Variants in C8orf90 observed in about 807,000 individuals in gnomAD.
The protein encoded by C8orf90 is uncharacterized protein C8orf90.
At chr8:141,517,403 T>TGAAA in the C8orf90 span, among the ~76,000 whole-genome samples, 2 of 75,414 alleles carry the variant, frequency 2.7e-5, no homozygotes, top group African/African-American at 7.1e-5. Context: ...ATTTGCTGAA[T>TGAAA]GAAAGAAAGA....
chr8:141,516,128 T>C, the C8orf90 span, among the ~76,000 whole-genome samples: 1 of 151,982 alleles, frequency 6.6e-6, no homozygotes, highest in Admixed American at 6.5e-5. Flanking sequence ...TCCCATTCCA[T>C]CCCCCAACTC....
chr8:141,514,833 G>A, the C8orf90 span: 1 of 687,542 alleles, frequency 1.5e-6, no homozygotes, highest in Non-Finnish European at 2.6e-6. Context: ...TGAGAATGTG[G>A]GAGCAGGAAG....
chr8:141,515,630 T>G, the C8orf90 span, among the ~76,000 whole-genome samples: 1 of 151,810 alleles, frequency 6.6e-6, no homozygotes, highest in Non-Finnish European at 1.5e-5. Context: ...CAGCACTCCT[T>G]TAGTGAGGTG....
chr8:141,516,429 T>A, the C8orf90 span, among the ~76,000 whole-genome samples: 631 of 152,282 alleles, frequency 4.1e-3, 6 homozygotes, highest in African/African-American at 0.014. Context: ...AAGTCATCAA[T>A]GACCTCTGCG....
the C8orf90 span, among the ~76,000 whole-genome samples, chr8:141,516,141 G>A: frequency 6.6e-6 from 1 of 152,006 alleles, no homozygotes; most frequent in Non-Finnish European, 1.5e-5. Flanking sequence ...CCCAACTCAC[G>A]CTGTCACTCC....
At chr8:141,517,427 G>C in the C8orf90 span, among the ~76,000 whole-genome samples, 1 of 152,260 alleles carries the variant, frequency 6.6e-6, no homozygotes, top group Non-Finnish European at 1.5e-5. Flanking sequence ...AAGGAATGTA[G>C]GGGTCTCTCC....
chr8:141,516,746 G>A, the C8orf90 span, among the ~76,000 whole-genome samples: 5 of 152,274 alleles, frequency 3.3e-5, no homozygotes, highest in East Asian at 9.6e-4. Context: ...TTGTGTGAGC[G>A]GATCTTCTCC....
At chr8:141,518,354 C>A in the C8orf90 span, 4 of 676,912 alleles carry the variant, frequency 5.9e-6, no homozygotes, top group Non-Finnish European at 1.1e-5. Context: ...CGCGTGCTCA[C>A]CGAGAACTTC....
chr8:141,515,602 G>T, the C8orf90 span, among the ~76,000 whole-genome samples: 29 of 151,990 alleles, frequency 1.9e-4, no homozygotes, highest in East Asian at 5.7e-3. Context: ...CCCAGCTCCT[G>T]CCCTCGAGGG....
the C8orf90 span, among the ~76,000 whole-genome samples, chr8:141,516,259 C>A: frequency 6.6e-6 from 1 of 152,230 alleles, no homozygotes; most frequent in African/African-American, 2.4e-5. Flanking sequence ...GACCCCACTT[C>A]CCTTCCGTCT....
the C8orf90 span, chr8:141,518,659 G>T: frequency 1.9e-6 from 1 of 539,628 alleles, no homozygotes. Flanking sequence ...TCCAGCGACG[G>T]CACCCCCAGG....
At chr8:141,514,980 C>A in the C8orf90 span, among the ~76,000 whole-genome samples, 1 of 151,998 alleles carries the variant, frequency 6.6e-6, no homozygotes, top group East Asian at 1.9e-4. Context: ...CTACGCTCCC[C>A]AATGCTCTGA....
the C8orf90 span, among the ~76,000 whole-genome samples, chr8:141,515,639 T>A: frequency 6.6e-6 from 1 of 151,614 alleles, no homozygotes; most frequent in Non-Finnish European, 1.5e-5. Context: ...TTTAGTGAGG[T>A]GGAAGCCCAC....
the C8orf90 span, chr8:141,514,870 A>G: frequency 3.1e-6 from 2 of 652,396 alleles, no homozygotes; most frequent in East Asian, 5.6e-5. Context: ...CTTCCAGAAG[A>G]AGATGCTCTG....
chr8:141,517,969 T>C, the C8orf90 span, among the ~76,000 whole-genome samples: 1 of 152,150 alleles, frequency 6.6e-6, no homozygotes, highest in African/African-American at 2.4e-5. Flanking sequence ...GAGCATCCCC[T>C]TCCGTACACC....
the C8orf90 span, chr8:141,518,310 CCG>C: frequency 1.5e-6 from 1 of 668,614 alleles, no homozygotes; most frequent in South Asian, 1.6e-5. Context: ...GGCGCGCCTA[CCG>C]CGCGCTGGGC....
chr8:141,518,087 G>C, the C8orf90 span: 2 of 508,030 alleles, frequency 3.9e-6, no homozygotes, highest in Non-Finnish European at 6.9e-6. Context: ...TCTGCCTTTC[G>C]AGCTCATTCG....
the C8orf90 span, chr8:141,518,177 C>T: frequency 1.8e-6 from 1 of 540,596 alleles, no homozygotes; most frequent in Non-Finnish European, 3.2e-6. Flanking sequence ...CCCGGCCCTC[C>T]CCGCCCTGCC....
chr8:141,516,809 T>A, the C8orf90 span, among the ~76,000 whole-genome samples: 1 of 152,182 alleles, frequency 6.6e-6, no homozygotes, highest in Non-Finnish European at 1.5e-5. Flanking sequence ...CGGTGCTGAT[T>A]TAGGAAAGTA....
Sources: allele counts gnomAD v4.1 joint callset (sites outside exome capture counted in the v4.1 genomes callset), GRCh38; gene constraint gnomAD v4.1.1; transcripts MANE v1.5; gene names NCBI Gene and HGNC (gene_info 2026-07-23, HGNC 2026-07-21).